Variants in ANKRD28 observed in about 807,000 individuals in gnomAD.
ANKRD28 encodes serine/threonine-protein phosphatase 6 regulatory ankyrin repeat subunit A.
Under a neutral mutation model 126.5 loss-of-function variants are expected in ANKRD28, and 44 were observed. The ratio of observed to expected loss-of-function variants is 0.35; its 90% CI spans 0.27 to 0.45. The LOEUF (loss-of-function observed/expected upper bound fraction) is 0.45. Among genes scored for constraint, ANKRD28 ranks in the 20% least tolerant of loss-of-function variants. The pLI is 1.00. For synonymous variants in ANKRD28, 442 were observed against 468.5 expected, an observed-to-expected ratio of 0.94 and a Z score of 0.73; for missense variants, 1,110 against 1,316.6, an observed-to-expected ratio of 0.84 and a Z score of 2.43.
chr3:15,684,007 T>G (rs1310392950), intron 21 of ANKRD28: 1 of 152,226 alleles, frequency 6.6e-6, no homozygotes, highest in Non-Finnish European at 1.5e-5. Flanking sequence ...ATTAGAATTG[T>G]GAACTACAGC....
At chr3:15,813,223 G>A (rs930395110) in intron 1 of ANKRD28, among the ~76,000 whole-genome samples, 7 of 151,748 alleles carry the variant, frequency 4.6e-5, no homozygotes, top group Non-Finnish European at 1.0e-4. Context: ...AAAATTAACC[G>A]GGCATGGTGG....
intron 1 of ANKRD28, among the ~76,000 whole-genome samples, chr3:15,858,220 T>C (rs573887373): frequency 2.6e-5 from 4 of 152,226 alleles, no homozygotes; most frequent in Non-Finnish European, 4.4e-5. Flanking sequence ...GGCTCTCTTA[T>C]AGGACAGAAC....
At chr3:15,755,135 G>T (rs1409714295) in intron 3 of ANKRD28, among the ~76,000 whole-genome samples, 1 of 150,240 alleles carries the variant, frequency 6.7e-6, no homozygotes, top group African/African-American at 2.4e-5. Context: ...GTCTCAAAAA[G>T]AAAAAAAATA....
rs2074951701 is a variant in ANKRD28, at chr3:15,735,439, C to T, written c.611G>A (p.Arg204Lys). 1.3e-6 allele frequency: 2 copies of T among 1,560,162 alleles called. No homozygotes were observed. The highest frequency in any genetic ancestry group is 1.2e-5 in the South Asian group (1 of 84,538). ...ATATGCTGCCCAATGGATAGCACGC[C>T]TATCTTTCTTGTCAAAAGCATTAAT... ...ANINAFDKKDRRAIHWAAYMG... is the reference protein window; with the variant it reads ...ANINAFDKKDKRAIHWAAYMG... Residue 204 changes from arginine to lysine, a missense_variant, in exon 6 of 28, where the codon AGG becomes AAG. Transcript: ENST00000683139.
At position 15,707,943 on chromosome 3, in the gene ANKRD28, T is replaced by A. The variant is rs1469459452; in HGVS notation, c.1528A>T (p.Thr510Ser). The A allele has an allele frequency of 6.2e-7, 1 of 1,613,292 alleles. No homozygotes were observed. The highest frequency in any genetic ancestry group is 8.5e-7 in the Non-Finnish European group (1 of 1,179,580). The change falls in exon 14 of 28, where the codon ACA becomes TCA. Residue 510 changes from threonine to serine, a missense_variant. By Grantham distance (58) the Thr-to-Ser change is moderately conservative (BLOSUM62 1). Coordinates refer to ENST00000683139, the MANE Select transcript of ANKRD28 (RefSeq NM_001349278.2). ...RGCTPLHYAA[T>S]SDTDGKCLEY... ...ACTTACTTGCCATCTGTGTCTGATGTAGCTGCATAGTGCAGGGGTGTGCAG... is the reference window on the plus strand; with the variant it reads ...ACTTACTTGCCATCTGTGTCTGATGAAGCTGCATAGTGCAGGGGTGTGCAG...
intron 3 of ANKRD28, among the ~76,000 whole-genome samples, chr3:15,765,540 T>C (rs899686848): frequency 6.6e-6 from 1 of 152,082 alleles, no homozygotes; most frequent in Non-Finnish European, 1.5e-5. Flanking sequence ...ACTATAACTG[T>C]TCCATATAAT....
At chr3:15,764,869 C>T (rs2058668226) in intron 3 of ANKRD28, among the ~76,000 whole-genome samples, 1 of 152,040 alleles carries the variant, frequency 6.6e-6, no homozygotes, top group South Asian at 2.1e-4. Context: ...TTAGCCAGGT[C>T]CATGTTTAAC....
At position 15,711,286 on chromosome 3, in the gene ANKRD28, A is replaced by G. The variant is rs1158346402; in HGVS notation, c.1274-12T>C. 3.1e-6 allele frequency: 5 copies of G among 1,596,980 alleles called. No individual in the cohort carries two copies. The highest frequency in any genetic ancestry group is 4.3e-6 in the Non-Finnish European group (5 of 1,166,630). ...ATCTATATCAAATCCTACAAGAATG[A>G]ATACATCTTATTTATAACAGACATA... On this transcript the variant is annotated splice_polypyrimidine_tract_variant and intron_variant, in intron 11 of 27. Coordinates refer to ENST00000683139, the MANE Select transcript of ANKRD28 (RefSeq NM_001349278.2).
intron 1 of ANKRD28, among the ~76,000 whole-genome samples, chr3:15,809,680 T>C (rs775787124): frequency 2.0e-4 from 30 of 152,136 alleles, no homozygotes; most frequent in Non-Finnish European, 3.8e-4. Context: ...GGCCAGTAAA[T>C]ATACTTTTGC....
chr3:15,705,850 T>C lies in ANKRD28; in HGVS notation c.1547+2074A>G, dbSNP rs561896628. ...TCTGTCTCTACTAAAATTACAAAAA[T>C]TAGCCAGGCATGGTGGCAGGCACCT... On this transcript the variant is annotated intron_variant, in intron 14 of 27. Coordinates refer to ENST00000683139, the MANE Select transcript of ANKRD28 (RefSeq NM_001349278.2). Among the ~76,000 whole-genome samples, 10 of 144,396 alleles carry C rather than the reference T, an allele frequency of 6.9e-5. No individual in the cohort carries two copies. The South Asian group carries it at 2.3e-3, about 33-fold the overall frequency. The allele number at this position is 144,396 out of a possible 152,430, so 94.7% of individuals were successfully genotyped here. A position where few individuals can be genotyped will look rare whatever the true frequency, so the allele number is the denominator to read the frequency against.
chr3:15,840,412 T>A (rs1332504318), intron 1 of ANKRD28, among the ~76,000 whole-genome samples: 2 of 152,070 alleles, frequency 1.3e-5, no homozygotes, highest in African/African-American at 2.4e-5. Flanking sequence ...GGAAAGATAC[T>A]CCATGTTCAT....
At chr3:15,677,670 A>G (rs1042084870) in intron 24 of ANKRD28, 108 bp from the exon 25 acceptor site, 5 of 686,892 alleles carry the variant, frequency 7.3e-6, no homozygotes, top group South Asian at 6.4e-5. Context: ...TCCCTCTCAC[A>G]AAAACTTAAG....
rs905057086 is a variant in ANKRD28, at chr3:15,668,855, A to G, written c.*1415T>C. 3.9e-5 allele frequency: 6 copies of G among 152,670 alleles called. No individual in the cohort carries two copies. The highest frequency in any genetic ancestry group is 7.3e-5 in the Non-Finnish European group (5 of 68,040). The allele number at this position is 152,670 out of a possible 1,614,324, so 9.5% of individuals were successfully genotyped here. ...TTTCCAGTTTCACAATACAAAAAGG[A>G]TAAAATGAAATTGGGTATCATTTTG... is the stretch of plus-strand genomic sequence containing the variant. On this transcript the variant is annotated 3_prime_UTR_variant, in exon 28 of 28. Transcript: ENST00000683139.
intron 2 of ANKRD28, among the ~76,000 whole-genome samples, chr3:15,772,725 T>G (rs1348965379): frequency 1.3e-5 from 2 of 152,182 alleles, no homozygotes; most frequent in Non-Finnish European, 2.9e-5. Flanking sequence ...CTCCCTCTGT[T>G]GCCCAGGCTA....
Position 15,833,963 on chromosome 3 carries a change from T to A in ANKRD28, c.27+25414A>T, listed in dbSNP as rs2125943296. On this transcript the variant is annotated intron_variant, in intron 1 of 27. Transcript: ENST00000399451. The surrounding 1 kb of genome is among the most constrained non-coding windows in gnomAD (Gnocchi z 4.4). Reference sequence around the variant, plus strand: ...TTTTTTTCTTAAGTTCCTTGTAGATTCTGGATATTAGCCTTTTGTCAGATG... The same window carrying A: ...TTTTTTTCTTAAGTTCCTTGTAGATACTGGATATTAGCCTTTTGTCAGATG... Among the ~76,000 whole-genome samples, 1 of 152,320 alleles carries A rather than the reference T, an allele frequency of 6.6e-6. No homozygotes were observed. Among genetic ancestry groups the A allele is most frequent in the South Asian group, 2.1e-4 (1 of 4,818 alleles).
At chr3:15,714,104 T>G (rs2072684469) in intron 9 of ANKRD28, among the ~76,000 whole-genome samples, 1 of 152,124 alleles carries the variant, frequency 6.6e-6, no homozygotes, top group African/African-American at 2.4e-5. Context: ...AAACACTGAT[T>G]TAAAGTAATA....
At chr3:15,757,715 G>C (rs771492768) in intron 3 of ANKRD28, among the ~76,000 whole-genome samples, 1 of 152,088 alleles carries the variant, frequency 6.6e-6, no homozygotes, top group African/African-American at 2.4e-5. Context: ...CTGGCATCAC[G>C]ATCTTCCCAG....
At chr3:15,851,422 T>C (rs1250280319) in intron 1 of ANKRD28, among the ~76,000 whole-genome samples, 1 of 152,022 alleles carries the variant, frequency 6.6e-6, no homozygotes, top group African/African-American at 2.4e-5. Context: ...CATGTACCTG[T>C]ACTCCCAGCT....
At chr3:15,761,458 C>T (rs1260911326) in intron 3 of ANKRD28, among the ~76,000 whole-genome samples, 2 of 152,076 alleles carry the variant, frequency 1.3e-5, no homozygotes, top group East Asian at 3.8e-4. Flanking sequence ...CATTAAAAGG[C>T]TGTTTTGATG....
Sources: gnomAD v4.1 joint callset for allele counts (sites outside exome capture counted in the v4.1 genomes callset) on GRCh38, gnomAD v4.1.1 for gene constraint, Gnocchi (gnomAD v3.1) non-coding constraint, MANE v1.5 for transcripts, NCBI Gene and HGNC (gene_info 2026-07-23, HGNC 2026-07-21) for gene names.